Variants in USP53 observed in about 807,000 individuals in gnomAD.
The protein encoded by USP53 is ubiquitin carboxyl-terminal hydrolase 53.
Under a neutral mutation model 94.9 loss-of-function variants are expected in USP53, and 71 were observed. The observed-to-expected ratio is 0.75, with a 90% CI of 0.62 to 0.91. USP53 has a LOEUF of 0.91. Among genes scored for constraint, USP53 ranks in the 40% least tolerant of loss-of-function variants. The probability of loss-of-function intolerance (pLI) is 0.00; values close to 1 mark genes in which losing one functional copy is unlikely to be tolerated. For synonymous variants in USP53, 375 were observed against 422.7 expected (o/e 0.89, Z 1.39); for missense variants, 1,173 against 1,281.0 (o/e 0.92, Z 1.29).
At chr4:119,236,636 C>CT (rs1271553892) in intron 4 of USP53, among the ~76,000 whole-genome samples, 1 of 152,232 alleles carries the variant, frequency 6.6e-6, no homozygotes, top group South Asian at 2.1e-4. Flanking sequence ...CAAGAAACCA[C>CT]TTTCTTTGCT....
intron 3 of USP53, chr4:119,219,898 T>C (rs1744272185): frequency 6.6e-6 from 1 of 152,196 alleles, no homozygotes; most frequent in African/African-American, 2.4e-5. Context: ...CAGTGACTTA[T>C]TTCCTTTCTT....
chr4:119,257,392 A>G (rs1288918704), intron 9 of USP53, among the ~76,000 whole-genome samples: 1 of 152,176 alleles, frequency 6.6e-6, no homozygotes, highest in Non-Finnish European at 1.5e-5. Flanking sequence ...GTGAGCTGAG[A>G]TTGCGCCACT....
Position 119,271,585 on chromosome 4 carries a change from C to T in USP53, c.1725C>T (p.Ser575=). The T allele has an allele frequency of 6.2e-7, 1 of 1,613,680 alleles. No homozygotes were observed. Among genetic ancestry groups the T allele is most frequent in the South Asian group, 1.1e-5 (1 of 91,074 alleles). ...DSRDRGNSCD[S]SSKSRNRGWK... ...GGGATAGAGGAAACAGCTGTGATAG[C>T]AGCAGTAAAAGCCGGAACCGAGGTT... Residue 575 remains serine (S), a synonymous_variant, in exon 16 of 19, where the codon AGC becomes AGT. Transcript: ENST00000692078.
chr4:119,251,736 C>T (rs1025069078), intron 7 of USP53, among the ~76,000 whole-genome samples: 17 of 152,280 alleles, frequency 1.1e-4, no homozygotes, highest in African/African-American at 4.1e-4. Context: ...CTTTCTCTTG[C>T]CTGATTGCCC....
At chr4:119,238,436 G>A (rs146988362) in intron 4 of USP53, among the ~76,000 whole-genome samples, 11 of 152,154 alleles carry the variant, frequency 7.2e-5, no homozygotes, top group East Asian at 5.8e-4. Flanking sequence ...GCTTGCTATC[G>A]TATATGGGAG....
chr4:119,274,578 G>C lies in USP53; in HGVS notation c.2251+870G>C, dbSNP rs917525870. Among the ~76,000 whole-genome samples the C allele has an allele frequency of 1.1e-3, 168 of 151,886 alleles. 2 individuals are homozygous for C. The highest frequency in any genetic ancestry group is 1.2e-3 in the Admixed American group (18 of 15,228). On this transcript the variant is annotated intron_variant, in intron 17 of 18. Transcript: ENST00000692078. Reference sequence around the variant, plus strand: ...ACATACGTGTACATGTGTCTTTATAGCAGCATGATTTATAGTCATTTGGGT... The same window carrying C: ...ACATACGTGTACATGTGTCTTTATACCAGCATGATTTATAGTCATTTGGGT...
In USP53 at chr4:119,242,356, C is replaced by T. The variant is rs371433242; in HGVS notation, c.144+2453C>T. 1.3e-4 allele frequency among the ~76,000 whole-genome samples: 20 copies of T among 152,170 alleles called. No homozygotes were observed. In the South Asian group the frequency reaches 3.9e-3, roughly 30 times the overall value. On this transcript the variant is annotated intron_variant, in intron 5 of 18. Transcript: ENST00000692078. Reference sequence around the variant, plus strand: ...CATTTTACTTTTAAACTTTGTTAGGCGGGACAGAGCTATGCTTATTCTTTG... The same window carrying T: ...CATTTTACTTTTAAACTTTGTTAGGTGGGACAGAGCTATGCTTATTCTTTG...
intron 11 of USP53, among the ~76,000 whole-genome samples, chr4:119,260,948 CTCTTTTT>C (rs1417581956): frequency 4.3e-5 from 5 of 115,004 alleles, no homozygotes; most frequent in African/African-American, 1.3e-4. Flanking sequence ...ACTGATCTCT[CTCTTTTT>C]TTTTTTTTTT....
At chr4:119,227,911 G>C (rs1745543895) in intron 3 of USP53, among the ~76,000 whole-genome samples, 1 of 152,162 alleles carries the variant, frequency 6.6e-6, no homozygotes, top group South Asian at 2.1e-4. Flanking sequence ...TACAACTTCT[G>C]ATTTGTGCAG....
chr4:119,258,754 A>G (rs1287847856), intron 9 of USP53, among the ~76,000 whole-genome samples: 1 of 152,194 alleles, frequency 6.6e-6, no homozygotes, highest in Non-Finnish European at 1.5e-5. Context: ...CCACCAGAAC[A>G]GTATCGGGGA....
intron 9 of USP53, among the ~76,000 whole-genome samples, chr4:119,257,270 C>T (rs1324143899): frequency 3.3e-5 from 5 of 152,030 alleles, no homozygotes; most frequent in African/African-American, 9.7e-5. Flanking sequence ...GGTGTAACCC[C>T]GTCTCTACTA....
chr4:119,240,276 G>C (rs184115814), intron 5 of USP53, among the ~76,000 whole-genome samples: 51 of 152,186 alleles, frequency 3.4e-4, no homozygotes, highest in African/African-American at 1.2e-3. Flanking sequence ...TAAGCTGCTT[G>C]TATTGAGATA....
rs1747206262 is a variant in USP53 at position 119,239,292 on chromosome 4, C to T, written c.-468C>T. 1 of 149,034 alleles carries T rather than the reference C, an allele frequency of 6.7e-6. No homozygotes were observed. The highest frequency in any genetic ancestry group is 1.5e-5 in the Non-Finnish European group (1 of 66,656). 9.2% of individuals were successfully genotyped at this position (149,034 alleles called of 1,614,324 possible). ...CTTCACCTGGGAAAGAGAGAGAAAA[C>T]TTTCTTGTTAAAAAAACATAAGGAA... is the stretch of plus-strand genomic sequence containing the variant. On this transcript the variant is annotated 5_prime_UTR_variant, in exon 5 of 19. Transcript: ENST00000692078.
Position 119,259,854 on chromosome 4 carries a change from C to A in USP53, c.604C>A (p.Arg202Ser). The A allele has an allele frequency of 6.2e-7, 1 of 1,611,858 alleles. No homozygotes were observed. The change falls in exon 10 of 19, where the codon CGC (arginine) becomes AGC (serine). Residue 202 changes from arginine (R) to serine (S), a missense_variant. Coordinates refer to ENST00000692078, the MANE Select transcript of USP53 (RefSeq NM_001371395.1). ...EVERMLERHE[R>S]FKPEMFAELL... is the part of the protein sequence containing the mutation. ...TGAAAGAATGTTGGAAAGGCATGAACGCTTTAAACCTGAAATGTTTGCAGA... is the reference window on the plus strand; with the variant it reads ...TGAAAGAATGTTGGAAAGGCATGAAAGCTTTAAACCTGAAATGTTTGCAGA...
At chr4:119,215,114 A>G (rs912304328) in intron 2 of USP53, among the ~76,000 whole-genome samples, 1 of 152,196 alleles carries the variant, frequency 6.6e-6, no homozygotes, top group African/African-American at 2.4e-5. Context: ...ACAGTGTGCT[A>G]GGTGTGCTAG....
rs185379090 is a variant in USP53 at position 119,280,003 on chromosome 4, T to C, written c.2251+6295T>C. ...CCACTGGCCTGCGCCCACTGTCTGGTACTCCCTAGTGAGATGAACCCGGTA... is the reference window on the plus strand; with the variant it reads ...CCACTGGCCTGCGCCCACTGTCTGGCACTCCCTAGTGAGATGAACCCGGTA... On this transcript the variant is annotated intron_variant, in intron 17 of 18. Transcript: ENST00000692078. Among the ~76,000 whole-genome samples, 1,408 of 152,208 alleles carry C rather than the reference T, an allele frequency of 9.3e-3. 22 individuals are homozygous for C. The highest frequency in any genetic ancestry group is 0.032 in the African/African-American group (1,322 of 41,540).
chr4:119,249,019 C>T, intron 7 of USP53, 137 bp downstream of exon 7: 1 of 1,087,106 alleles, frequency 9.2e-7, no homozygotes, highest in Non-Finnish European at 1.3e-6. Context: ...CCATATCTTA[C>T]CCATCCTTCA....
chr4:119,230,193 T>C lies in USP53; in HGVS notation c.-664-5097T>C, dbSNP rs1745877839. Among the ~76,000 whole-genome samples, 7 of 152,344 alleles carry C rather than the reference T, an allele frequency of 4.6e-5. No homozygotes were observed. The South Asian group carries it at 1.4e-3, about 32-fold the overall frequency. ...AATCTTTTTTGTTTTCTAAGTTGGC[T>C]GTCTAGCCCTGTTTCAATTATACAT... is the stretch of plus-strand genomic sequence containing the variant. On this transcript the variant is annotated intron_variant, in intron 3 of 18. Transcript: ENST00000692078.
intron 3 of USP53, among the ~76,000 whole-genome samples, chr4:119,222,810 C>G (rs927148571): frequency 1.7e-4 from 26 of 152,044 alleles, no homozygotes; most frequent in African/African-American, 6.0e-4. Flanking sequence ...TGGGTATATA[C>G]CACTAGGGAT....
Sources: gnomAD v4.1 joint callset for allele counts (sites outside exome capture counted in the v4.1 genomes callset) on GRCh38, gnomAD v4.1.1 for gene constraint, MANE v1.5 for transcripts, NCBI Gene and HGNC (gene_info 2026-07-23, HGNC 2026-07-21) for gene names.